Variants in RBM10 observed in about 807,000 individuals in gnomAD.
The protein encoded by RBM10 is RNA-binding protein 10.
A neutral mutation model predicts 84.9 loss-of-function variants in RBM10; 1 was observed. That is an observed-to-expected ratio of 0.01 (90% CI 0.00 to 0.06). The LOEUF is 0.06. RBM10 is among the 10% of genes least tolerant of loss of function. The pLI is 1.00. For missense variants in RBM10, 438 were observed against 839.0 expected (o/e 0.52, Z 5.90); for synonymous variants, 326 against 344.5 (o/e 0.95, Z 0.60).
intron 2 of RBM10, among the ~76,000 whole-genome samples, chrX:47,148,413 A>G (rs1192013140): frequency 1.8e-5 from 2 of 112,042 alleles, no homozygotes; most frequent in Non-Finnish European, 3.8e-5. Context: ...ATTACCAAGT[A>G]AAACCATTGA....
At chrX:47,161,016 C>T (rs950071679) in intron 2 of RBM10, among the ~76,000 whole-genome samples, 8 of 111,564 alleles carry the variant, frequency 7.2e-5, no homozygotes, top group African/African-American at 2.3e-4. Flanking sequence ...AGTGCAGTGG[C>T]GCGATCAGAG....
At chrX:47,186,210 G>A (rs1451822904) in intron 22 of RBM10, 39 bp downstream of exon 22, 1 of 1,210,051 alleles carries the variant, frequency 8.3e-7, no homozygotes, top group Non-Finnish European at 1.1e-6. Flanking sequence ...TGGAGCCCGG[G>A]GCCGGGGCCG....
rs371753657 is a variant in RBM10, at chrX:47,169,518, C to T, written c.201+20C>T. 1.2e-3 allele frequency: 1,423 copies of T among 1,193,164 alleles called. 13 individuals carry two copies. In the South Asian group the frequency reaches 0.024, roughly 20 times the overall value. ...GCGGAGGTGAGGAGGGGGCGCGCTG[C>T]GCCAGGCCTGGCTGGGATGGGCTCC... On this transcript the variant is annotated intron_variant, in intron 3 of 23. Transcript: ENST00000377604.
intron 5 of RBM10, among the ~76,000 whole-genome samples, chrX:47,174,773 C>T (rs1246501682): frequency 9.0e-6 from 1 of 111,074 alleles, no homozygotes; most frequent in Non-Finnish European, 1.9e-5. Context: ...GTGTGTCTCT[C>T]CCCCTACCGA....
rs1329887149 is a variant in RBM10 at position 47,157,410 on chromosome X, G to A, written c.17+9912G>A. The A allele has an allele frequency of 2.1e-5, 7 of 332,659 alleles. No homozygotes were observed. The East Asian group carries it at 4.7e-4, about 22-fold the overall frequency. The allele number at this position is 332,659 out of a possible 1,213,427, so 27.4% of individuals were successfully genotyped here. A position where few individuals can be genotyped will look rare whatever the true frequency, so the allele number is the denominator to read the frequency against. ...CATCTCGTGAGAGTTGGTGCCGTGA[G>A]CCACTCTAGTTTTGCACATGAACAG... On this transcript the variant is annotated intron_variant, in intron 2 of 23. Transcript: ENST00000377604.
chrX:47,158,185 C>A, intron 2 of RBM10: 1 of 241,042 alleles, frequency 4.1e-6, no homozygotes, highest in South Asian at 4.9e-5. Context: ...TCTTCCCTTT[C>A]ATAAAGGTCT....
chrX:47,147,576 T>C (rs1932402783), intron 2 of RBM10, 78 bp downstream of exon 2: 1 of 1,114,802 alleles, frequency 9.0e-7, no homozygotes. Flanking sequence ...GGTGCTAGGA[T>C]GGGGCTTCTG....
intron 2 of RBM10, among the ~76,000 whole-genome samples, chrX:47,152,441 CTTTTTTTTTTTT>C (rs782688935): frequency 1.5e-5 from 1 of 65,235 alleles, no homozygotes; most frequent in Non-Finnish European, 2.6e-5. Context: ...CACTCTATAT[CTTTTTTTTTTTT>C]TTTTTTTTTT....
At position 47,186,586 on chromosome X, in the gene RBM10, A is replaced by G; in HGVS notation, c.2780A>G (p.Asn927Ser). 8.3e-7 allele frequency: 1 copy of G among 1,211,897 alleles called. No individual in the cohort carries two copies. The highest frequency in any genetic ancestry group is 1.1e-6 in the Non-Finnish European group (1 of 895,530). ...TLHKTMVTRFNEAQ is the reference protein window; with the variant it reads ...TLHKTMVTRFSEAQ ...CACAAGACAATGGTGACCCGCTTCA[A>G]CGAGGCCCAGTGAGCAGCTTCAAGA... The change falls in exon 24 of 24, where the codon AAC becomes AGC. Residue 927 changes from asparagine to serine, a missense_variant. Around this residue, in one of 8 missense-constraint regions of RBM10, gnomAD observed 92 missense variants for 199.9 expected, o/e 0.46. Coordinates refer to ENST00000377604, the MANE Select transcript of RBM10 (RefSeq NM_005676.5).
intron 1 of RBM10, among the ~76,000 whole-genome samples, chrX:47,146,065 G>GTGAC (rs1556761990): frequency 9.1e-6 from 1 of 110,099 alleles, no homozygotes; most frequent in Non-Finnish European, 1.9e-5. Flanking sequence ...GAATGTGTGT[G>GTGAC]TGACTCATTG....
chrX:47,164,397 A>G (rs1414832941), intron 2 of RBM10, among the ~76,000 whole-genome samples: 2 of 109,589 alleles, frequency 1.8e-5, no homozygotes, highest in Non-Finnish European at 3.8e-5. Flanking sequence ...AACATCAGCC[A>G]GGTGTGGTGG....
chrX:47,161,536 TGAGAGA>T (rs376441587), intron 2 of RBM10, among the ~76,000 whole-genome samples: 21 of 62,170 alleles, frequency 3.4e-4, no homozygotes, highest in Non-Finnish European at 4.3e-4. Context: ...TTTTTTTTAG[TGAGAGA>T]GAGAGAGAGA....
chrX:47,145,998 G>A (rs1556761955), intron 1 of RBM10, among the ~76,000 whole-genome samples: 4 of 108,813 alleles, frequency 3.7e-5, no homozygotes, highest in African/African-American at 1.3e-4. Context: ...GGGCTTGGGG[G>A]ACGACTGTCT....
intron 2 of RBM10, among the ~76,000 whole-genome samples, chrX:47,155,681 C>T (rs1602505982): frequency 3.2e-5 from 3 of 94,067 alleles, no homozygotes; most frequent in South Asian, 5.7e-4. Flanking sequence ...TGCAGTGAGC[C>T]GAGATCGCCA....
chrX:47,159,686 C>T (rs1261792531), intron 2 of RBM10, among the ~76,000 whole-genome samples: 1 of 111,386 alleles, frequency 9.0e-6, no homozygotes, highest in African/African-American at 3.3e-5. Flanking sequence ...CACATAGAAC[C>T]ATCTGATCTT....
rs1556781969 is a variant in RBM10, at chrX:47,185,569, G to A, written c.2294G>A (p.Arg765Gln). The change falls in exon 20 of 24, where the codon CGA becomes CAA. Residue 765 changes from arginine to glutamine, a missense_variant. By Grantham distance (43) the Arg-to-Gln change is conservative (BLOSUM62 1). Around this residue, in one of 8 missense-constraint regions of RBM10, gnomAD observed 92 missense variants for 199.9 expected, o/e 0.46. Transcript: ENST00000377604. ...CAGAAGCTGGCCTGTCTGCTCTGCC[G>A]ACGCCAGTTCCCCAGCAAAGAGGCG... ...DWQKLACLLC[R>Q]RQFPSKEALI... The A allele has an allele frequency of 1.7e-6, 2 of 1,200,788 alleles. No homozygotes were observed. Among genetic ancestry groups the A allele is most frequent in the East Asian group, 3.0e-5 (1 of 33,382 alleles).
intron 3 of RBM10, among the ~76,000 whole-genome samples, chrX:47,170,580 A>C (rs1934572259): frequency 8.9e-6 from 1 of 112,441 alleles, no homozygotes; most frequent in African/African-American, 3.2e-5. Context: ...AGCTGTTCTT[A>C]TGCCCCCAGC....
chrX:47,164,307 A>T (rs1035867550), intron 2 of RBM10, among the ~76,000 whole-genome samples: 4 of 111,514 alleles, frequency 3.6e-5, no homozygotes, highest in Non-Finnish European at 7.5e-5. Flanking sequence ...CAACAAAATT[A>T]TCCAATTTAA....
chrX:47,169,665 G>A (rs1556771349), intron 3 of RBM10, among the ~76,000 whole-genome samples, 167 bp downstream of exon 3: 1 of 111,890 alleles, frequency 8.9e-6, no homozygotes, highest in Non-Finnish European at 1.9e-5. Context: ...CCTCTCTGAG[G>A]GCTCCTCTCC....
Sources: gnomAD v4.1 joint callset for allele counts (sites outside exome capture counted in the v4.1 genomes callset) on GRCh38, gnomAD v4.1.1 for gene constraint, gnomAD v4.1.1 regional missense constraint, MANE v1.5 for transcripts, NCBI Gene and HGNC (gene_info 2026-07-23, HGNC 2026-07-21) for gene names.